Variants in SBNO2 observed in about 807,000 individuals in gnomAD.
The protein encoded by SBNO2 is protein strawberry notch homolog 2.
SBNO2 carries 89 observed loss-of-function variants against 146.3 expected under a neutral mutation model. The ratio of observed to expected loss-of-function variants is 0.61; its 90% CI spans 0.51 to 0.73. The LOEUF is 0.73. SBNO2 is among the 30% of genes least tolerant of loss of function. The pLI is 0.00. For missense variants in SBNO2, 2,092 were observed against 2,003.7 expected, an observed-to-expected ratio of 1.04 and a Z score of -0.84; for synonymous variants, 1,147 against 892.6, an observed-to-expected ratio of 1.29 and a Z score of -5.08.
chr19:1,149,458 G>A lies in SBNO2; in HGVS notation c.94-16C>T. 1 of 1,550,108 alleles carries A rather than the reference G, an allele frequency of 6.5e-7. No individual in the cohort carries two copies. The highest frequency in any genetic ancestry group is 8.7e-7 in the Non-Finnish European group (1 of 1,146,620). On this transcript the variant is annotated splice_polypyrimidine_tract_variant and intron_variant, in intron 2 of 31. Coordinates refer to ENST00000361757, the MANE Select transcript of SBNO2 (RefSeq NM_014963.3). ...GCATGGCGCTCTAGAAGAGACAGCGGGCATCAGTGAGTGGGAAGCAGAGGA... is the reference window on the plus strand; with the variant it reads ...GCATGGCGCTCTAGAAGAGACAGCGAGCATCAGTGAGTGGGAAGCAGAGGA...
intron 4 of SBNO2, 27 bp downstream of exon 4, chr19:1,147,282 G>GA: frequency 6.7e-7 from 1 of 1,488,694 alleles, no homozygotes; most frequent in Non-Finnish European, 9.2e-7. Flanking sequence ...TGCCCCCCAC[G>GA]GCGCGGTGAG....
intron 23 of SBNO2, 133 bp downstream of exon 23, chr19:1,111,863 C>G (rs1282754392): frequency 1.3e-5 from 12 of 944,374 alleles, no homozygotes; most frequent in Non-Finnish European, 1.9e-5. Context: ...GGGTCCTAGA[C>G]CCGGCCCTCC....
chr19:1,121,252 A>G (rs1479459547), intron 11 of SBNO2, among the ~76,000 whole-genome samples: 2 of 152,178 alleles, frequency 1.3e-5, no homozygotes, highest in Admixed American at 1.3e-4. Flanking sequence ...AGGAAGGAAA[A>G]CTGGGAGAAT....
At chr19:1,123,161 G>A in intron 7 of SBNO2, 116 bp from the exon 8 acceptor site, 1 of 1,191,928 alleles carries the variant, frequency 8.4e-7, no homozygotes, top group Non-Finnish European at 1.2e-6. Flanking sequence ...GCAGTTTGGG[G>A]GCGTGGCCAG....
rs373100652 is a variant in SBNO2 at position 1,111,016 on chromosome 19, C to T, written c.2884+3G>A. ...CCTCTGGGCCTGGGTGTGGGGCACT[C>T]ACCCTTCTCCACGTCCAGGCAGCCA... On this transcript the variant is annotated splice_donor_region_variant and intron_variant, in intron 25 of 31. Coordinates refer to ENST00000361757, the MANE Select transcript of SBNO2 (RefSeq NM_014963.3). 36 of 1,587,334 alleles carry T rather than the reference C, an allele frequency of 2.3e-5. No homozygotes were observed. The highest frequency in any genetic ancestry group is 2.8e-5 in the Non-Finnish European group (33 of 1,167,696).
At chr19:1,165,649 T>TCTCAGA (rs1453495923) in intron 1 of SBNO2, among the ~76,000 whole-genome samples, 13 of 118,586 alleles carry the variant, frequency 1.1e-4, no homozygotes, top group African/African-American at 4.2e-4. Context: ...AGACTTCAGA[T>TCTCAGA]CCCTAGATCC....
chr19:1,129,956 C>T (rs1443297279), intron 4 of SBNO2, among the ~76,000 whole-genome samples: 2 of 152,160 alleles, frequency 1.3e-5, no homozygotes, highest in Non-Finnish European at 2.9e-5. Context: ...AGGGTCCTCC[C>T]GCCCAGGGTC....
At chr19:1,125,266 G>C (rs1730957592) in intron 5 of SBNO2, among the ~76,000 whole-genome samples, 1 of 151,184 alleles carries the variant, frequency 6.6e-6, no homozygotes, top group Admixed American at 6.6e-5. Flanking sequence ...GGCTGAGGCA[G>C]GAGAATCGCT....
rs1367241329 is a variant in SBNO2 at position 1,127,857 on chromosome 19, G to C, written c.280-92C>G. 4 of 1,188,872 alleles carry C rather than the reference G, an allele frequency of 3.4e-6. No homozygotes were observed. The Admixed American group carries it at 7.7e-5, about 23-fold the overall frequency. 73.6% of individuals were successfully genotyped at this position (1,188,872 alleles called of 1,614,324 possible). ...GCACGTGGGGATGGGAGACACCACG[G>C]CCCTCCACACACTGGAGCATGTGGG... On this transcript the variant is annotated intron_variant, in intron 4 of 31. Coordinates refer to ENST00000361757, the MANE Select transcript of SBNO2 (RefSeq NM_014963.3).
chr19:1,161,930 G>GC (rs2080351112), intron 1 of SBNO2, among the ~76,000 whole-genome samples: 1 of 70,176 alleles, frequency 1.4e-5, no homozygotes, highest in Non-Finnish European at 2.8e-5. Context: ...GGGGGGTTGG[G>GC]CCAGGCCTGC....
At chr19:1,147,521 G>A (rs1030481847) in intron 3 of SBNO2, 101 bp from the exon 4 acceptor site, 63 of 650,572 alleles carry the variant, frequency 9.7e-5, no homozygotes, top group Admixed American at 3.7e-5. Flanking sequence ...GCCCCTCGAG[G>A]CCCCACTGGA....
chr19:1,113,093 G>GGC lies in SBNO2; in HGVS notation c.2248-146_2248-145dup, dbSNP rs375419540. ...GAGGTGGGGGTGCTGGGAAAGGGAG[G>GGC]GCGGGACTGCTGGACCCAGGCGATG... On this transcript the variant is annotated intron_variant, in intron 19 of 31. Coordinates refer to ENST00000361757, the MANE Select transcript of SBNO2 (RefSeq NM_014963.3). 147 of 981,350 alleles carry GGC rather than the reference G, an allele frequency of 1.5e-4. 2 individuals are homozygous for GGC. The African/African-American group carries it at 2.0e-3, about 14-fold the overall frequency. The allele number at this position is 981,350 out of a possible 1,614,324, so 60.8% of individuals were successfully genotyped here. A position where few individuals can be genotyped will look rare whatever the true frequency, so the allele number is the denominator to read the frequency against.
At chr19:1,113,319 AG>A (rs2079789862) in intron 19 of SBNO2, among the ~76,000 whole-genome samples, 1 of 152,038 alleles carries the variant, frequency 6.6e-6, no homozygotes, top group African/African-American at 2.4e-5. Context: ...TGGGGCTTAG[AG>A]GGATGGGGCA....
At position 1,147,307 on chromosome 19, in the gene SBNO2, A is replaced by C; in HGVS notation, c.279+2T>G. 6.3e-7 allele frequency: 1 copy of C among 1,576,076 alleles called. No homozygotes were observed. The highest frequency in any genetic ancestry group is 8.6e-7 in the Non-Finnish European group (1 of 1,161,848). On this transcript the variant is annotated splice_donor_variant, in intron 4 of 31. Transcript: ENST00000361757. LOFTEE classifies it high-confidence loss of function. The stretch of plus-strand genomic sequence containing the variant: ...GGCGCGGTGAGCTCCTGGGGCTCCT[A>C]CCTGAGCAAAGTCGCAGGTCTTTGG...
rs573078817 is a variant in SBNO2 at position 1,166,348 on chromosome 19, C to T, written c.-127+7824G>A. On this transcript the variant is annotated intron_variant, in intron 1 of 31. Transcript: ENST00000361757. Reference sequence around the variant, plus strand: ...CAGGCCGGGCTGCGGGGCTCCAAAGCAGGGTCCCCATGCTCCGAGCGGGCC... The same window carrying T: ...CAGGCCGGGCTGCGGGGCTCCAAAGTAGGGTCCCCATGCTCCGAGCGGGCC... Among the ~76,000 whole-genome samples, 206 of 152,290 alleles carry T rather than the reference C, an allele frequency of 1.4e-3. 4 individuals carry two copies. The highest frequency in any genetic ancestry group is 4.8e-3 in the African/African-American group (198 of 41,546).
intron 1 of SBNO2, among the ~76,000 whole-genome samples, chr19:1,172,990 AT>A (rs71335343): frequency 0.68 from 100,080 of 147,128 alleles, 34,461 homozygotes; most frequent in East Asian, 0.98. Context: ...CATTTAAGAG[AT>A]TTTTTTTTTT....
chr19:1,147,446 GTGAGA>G, intron 3 of SBNO2, 26 bp from the exon 4 acceptor site: 1 of 1,142,936 alleles, frequency 8.7e-7, no homozygotes. Context: ...GGGGGGGGAG[GTGAGA>G]TGGGGTGCTC....
At chr19:1,117,548 C>T (rs768195355) in intron 14 of SBNO2, 49 bp from the exon 15 acceptor site, 8 of 1,506,746 alleles carry the variant, frequency 5.3e-6, no homozygotes, top group South Asian at 5.1e-5. Context: ...TCCTGGCTCC[C>T]GACCCGGGCC....
chr19:1,119,789 G>T, intron 12 of SBNO2, 117 bp downstream of exon 12: 1 of 969,510 alleles, frequency 1.0e-6, no homozygotes, highest in Non-Finnish European at 1.6e-6. Flanking sequence ...CCCAGTGTCC[G>T]AGGAGGAGCA....
Sources: allele counts gnomAD v4.1 joint callset (sites outside exome capture counted in the v4.1 genomes callset), GRCh38; gene constraint gnomAD v4.1.1; transcripts MANE v1.5; gene names NCBI Gene and HGNC (gene_info 2026-07-23, HGNC 2026-07-21).